Variants in CALN1 observed in about 807,000 individuals in gnomAD.
The protein encoded by CALN1 is calcium-binding protein 8.
A neutral mutation model predicts 30.6 loss-of-function variants in CALN1; 17 were observed. That is an observed-to-expected ratio of 0.56 (90% CI 0.38 to 0.83). CALN1 has a LOEUF of 0.83. CALN1 is among the 40% of genes least tolerant of loss of function. The pLI is 0.00. For synonymous variants in CALN1, 156 were observed against 131.4 expected (o/e 1.19, Z -1.28); for missense variants, 291 against 354.9 (o/e 0.82, Z 1.45).
chr7:71,953,499 T>A (rs4349880), intron 5 of CALN1, among the ~76,000 whole-genome samples: 1 of 152,152 alleles, frequency 6.6e-6, no homozygotes, highest in African/African-American at 2.4e-5. Flanking sequence ...TTATATACTG[T>A]CAAGGCTTTG....
At chr7:72,404,790 G>A (rs1249992964) in intron 1 of CALN1, among the ~76,000 whole-genome samples, 1 of 152,208 alleles carries the variant, frequency 6.6e-6, no homozygotes, top group Non-Finnish European at 1.5e-5. Context: ...AAGGCTTGAA[G>A]AGCTGTATGT....
chr7:72,335,914 C>G (rs1801994359), intron 2 of CALN1, among the ~76,000 whole-genome samples: 1 of 152,204 alleles, frequency 6.6e-6, no homozygotes, highest in African/African-American at 2.4e-5. Context: ...CCTAGGCGCC[C>G]TCGGACCAAG....
Position 71,784,642 on chromosome 7 carries a change from C to A in CALN1, c.*3133G>T. 2.6e-6 allele frequency: 1 copy of A among 388,484 alleles called. No individual in the cohort carries two copies. Among genetic ancestry groups the A allele is most frequent in the Admixed American group, 4.5e-5 (1 of 22,054 alleles). 24.1% of individuals were successfully genotyped at this position (388,484 alleles called of 1,614,324 possible). On this transcript the variant is annotated 3_prime_UTR_variant, in exon 7 of 7. Transcript: ENST00000395275. ...TCATCACTTGTGCTTTCCAGGGGGG[C>A]GGCGGGGGGTACCTGCTCTTGCAGC...
chr7:71,898,307 G>A (rs1793663002), intron 5 of CALN1, among the ~76,000 whole-genome samples: 3 of 152,098 alleles, frequency 2.0e-5, no homozygotes, highest in African/African-American at 7.2e-5. Flanking sequence ...TCCAGCTTGG[G>A]CAACAGAGTG....
intron 5 of CALN1, among the ~76,000 whole-genome samples, chr7:71,826,961 T>C (rs758294959): frequency 6.6e-6 from 1 of 152,144 alleles, no homozygotes; most frequent in African/African-American, 2.4e-5. Context: ...TGAACACATG[T>C]CAACATCAAC....
At chr7:71,828,423 T>C (rs1331305166) in intron 5 of CALN1, among the ~76,000 whole-genome samples, 2 of 152,066 alleles carry the variant, frequency 1.3e-5, no homozygotes, top group Non-Finnish European at 2.9e-5. Flanking sequence ...TCGCCTGGAT[T>C]ATGCGGATAG....
chr7:72,146,246 C>T (rs1041168992), intron 3 of CALN1, among the ~76,000 whole-genome samples: 1 of 152,192 alleles, frequency 6.6e-6, no homozygotes, highest in African/African-American at 2.4e-5. Context: ...CCAAAATCTC[C>T]TTAAGCTGAT....
intron 2 of CALN1, among the ~76,000 whole-genome samples, chr7:72,285,905 CA>C (rs1229497840): frequency 6.6e-6 from 1 of 152,118 alleles, no homozygotes; most frequent in Admixed American, 6.6e-5. Flanking sequence ...ATACAAGGGG[CA>C]ATATTGATCT....
chr7:72,249,101 A>G (rs2129551892), intron 3 of CALN1, among the ~76,000 whole-genome samples: 1 of 152,358 alleles, frequency 6.6e-6, no homozygotes, highest in South Asian at 2.1e-4. Flanking sequence ...AAAGGCAACT[A>G]GACATCGCAG....
At chr7:72,337,941 G>A (rs181596036) in intron 2 of CALN1, among the ~76,000 whole-genome samples, 196 of 152,342 alleles carry the variant, frequency 1.3e-3, no homozygotes, top group African/African-American at 3.7e-3. Flanking sequence ...CCTCTACTGA[G>A]TCTACGCCCA....
chr7:71,824,044 T>A (rs1361070793), intron 5 of CALN1, among the ~76,000 whole-genome samples: 2 of 152,030 alleles, frequency 1.3e-5, no homozygotes, highest in African/African-American at 2.4e-5. Flanking sequence ...GGAGCTACAA[T>A]TCAAGATGAG....
intron 4 of CALN1, among the ~76,000 whole-genome samples, chr7:72,067,679 C>T (rs1032170675): frequency 1.3e-5 from 2 of 152,176 alleles, no homozygotes; most frequent in African/African-American, 4.8e-5. Flanking sequence ...CAATAAGTTA[C>T]AACCAATCGC....
chr7:72,362,411 A>G (rs1803626143), intron 2 of CALN1, among the ~76,000 whole-genome samples: 1 of 152,096 alleles, frequency 6.6e-6, no homozygotes, highest in South Asian at 2.1e-4. Context: ...CTAAGTCTCC[A>G]TCCTCTCTCT....
At chr7:72,407,852 T>C (rs1405184888) in intron 1 of CALN1, among the ~76,000 whole-genome samples, 2 of 152,098 alleles carry the variant, frequency 1.3e-5, no homozygotes, top group African/African-American at 4.8e-5. Flanking sequence ...CCACCACAGA[T>C]GTAGCCTCAC....
intron 3 of CALN1, 129 bp from the exon 4 acceptor site, chr7:72,106,423 A>G: frequency 9.0e-7 from 1 of 1,108,258 alleles, no homozygotes; most frequent in Non-Finnish European, 1.3e-6. Context: ...CTCTTTAATC[A>G]GATAAAAGGG....
At chr7:72,038,996 C>CA (rs1801968195) in intron 4 of CALN1, among the ~76,000 whole-genome samples, 1 of 152,172 alleles carries the variant, frequency 6.6e-6, no homozygotes, top group Non-Finnish European at 1.5e-5. Flanking sequence ...ACTCACCCCA[C>CA]AATCTTTCTT....
At chr7:72,163,791 G>A (rs1411875849) in intron 3 of CALN1, among the ~76,000 whole-genome samples, 1 of 152,136 alleles carries the variant, frequency 6.6e-6, no homozygotes, top group Non-Finnish European at 1.5e-5. Flanking sequence ...TGACCTGTGA[G>A]ACAATGAGAG....
chr7:72,359,923 G>A (rs371735878), intron 2 of CALN1, among the ~76,000 whole-genome samples: 3 of 136,448 alleles, frequency 2.2e-5, no homozygotes, highest in Admixed American at 8.1e-5. Flanking sequence ...CTTGCAGTGA[G>A]CCAAAATCAC....
At chr7:71,911,761 A>G (rs1036279612) in intron 5 of CALN1, among the ~76,000 whole-genome samples, 2 of 152,172 alleles carry the variant, frequency 1.3e-5, no homozygotes, top group Non-Finnish European at 2.9e-5. Flanking sequence ...CTAAATCAGA[A>G]GGGCCTCTCT....
Sources: allele counts gnomAD v4.1 joint callset (sites outside exome capture counted in the v4.1 genomes callset), GRCh38; gene constraint gnomAD v4.1.1; transcripts MANE v1.5; gene names NCBI Gene and HGNC (gene_info 2026-07-23, HGNC 2026-07-21).